Variants in RARRES1 observed in about 807,000 individuals in gnomAD.
The protein encoded by RARRES1 is retinoic acid receptor responder protein 1.
Under a neutral mutation model 30.6 loss-of-function variants are expected in RARRES1, and 34 were observed. That is an observed-to-expected ratio of 1.11 (90% confidence interval 0.84 to 1.48). The LOEUF (loss-of-function observed/expected upper bound fraction) is 1.48. RARRES1 is among the 40% of genes most tolerant of loss of function. The pLI is 0.00. For missense variants in RARRES1, 373 were observed against 386.5 expected (o/e 0.97, Z 0.29); for synonymous variants, 153 against 155.5 (o/e 0.98, Z 0.12).
intron 3 of RARRES1, among the ~76,000 whole-genome samples, chr3:158,710,180 C>T (rs1226714791): frequency 6.6e-6 from 1 of 152,044 alleles, no homozygotes; most frequent in Non-Finnish European, 1.5e-5. Flanking sequence ...TTACTGTGCC[C>T]CTCATTCTGG....
In RARRES1 at chr3:158,730,442, T is replaced by C. The variant is rs117627508; in HGVS notation, c.276+1698A>G. 8.0e-3 allele frequency among the ~76,000 whole-genome samples: 1,117 copies of C among 138,812 alleles called. 35 individuals are homozygous for C. The highest frequency in any genetic ancestry group is 0.065 in the Admixed American group (901 of 13,858). The allele number at this position is 138,812 out of a possible 152,430, so 91.1% of individuals were successfully genotyped here. A position where few individuals can be genotyped will look rare whatever the true frequency, so the allele number is the denominator to read the frequency against. On this transcript the variant is annotated intron_variant, in intron 1 of 5. Transcript: ENST00000237696. ...TCTCTCTCTTTCTCTCTCTTTTTTT[T>C]CCCCATAGGGTCTCACTCTGTTGCC...
At chr3:158,708,773 T>G (rs1727012429) in intron 3 of RARRES1, among the ~76,000 whole-genome samples, 1 of 152,114 alleles carries the variant, frequency 6.6e-6, no homozygotes, top group Admixed American at 6.6e-5. Flanking sequence ...CAAGCGCGAT[T>G]CTTTTGCCTC....
chr3:158,716,067 G>A (rs1205849409), intron 1 of RARRES1, among the ~76,000 whole-genome samples: 1 of 152,214 alleles, frequency 6.6e-6, no homozygotes, highest in Non-Finnish European at 1.5e-5. Flanking sequence ...CTGTTGAGTA[G>A]GGGCTTCCTG....
chr3:158,719,379 G>A (rs530699887), intron 1 of RARRES1, among the ~76,000 whole-genome samples: 1 of 149,670 alleles, frequency 6.7e-6, no homozygotes, highest in East Asian at 2.0e-4. Flanking sequence ...TCAAGCGATT[G>A]TCCTGCCTCA....
chr3:158,702,160 C>T (rs1726756221), intron 4 of RARRES1, among the ~76,000 whole-genome samples: 1 of 152,166 alleles, frequency 6.6e-6, no homozygotes, highest in African/African-American at 2.4e-5. Flanking sequence ...ACCTCAGCCT[C>T]CCGAGTAGCT....
Position 158,710,806 on chromosome 3 carries a change from T to C in RARRES1, c.467A>G (p.Gln156Arg), listed in dbSNP as rs1727099570. ...TRLIEKKKRQQEDYLLYKQMK... is the reference protein window; with the variant it reads ...TRLIEKKKRQREDYLLYKQMK... ...TTGCTTGTAAAGCAGGTAATCCTCT[T>C]GTTGTCTTTTCTTTTTCTCGATGAG... Residue 156 changes from glutamine to arginine, a missense_variant, in exon 3 of 6, where the codon CAA becomes CGA. By Grantham distance (43) the Gln-to-Arg change is conservative (BLOSUM62 1). Transcript: ENST00000237696. 6.2e-7 allele frequency: 1 copy of C among 1,613,650 alleles called. No individual in the cohort carries two copies. Among genetic ancestry groups the C allele is most frequent in the Non-Finnish European group, 8.5e-7 (1 of 1,179,738 alleles).
In RARRES1 at chr3:158,732,318, G is replaced by T; in HGVS notation, c.98C>A (p.Pro33Gln). ...CCCGGACCCCGCGGGCGCCGCCACC[G>T]GGGCGAGCAACAGCAGCAGCGCGAG... is the stretch of plus-strand genomic sequence containing the variant. Reference protein sequence around the residue: ...PLLALLLLLAPVAAPAGSGDP... With the variant: ...PLLALLLLLAQVAAPAGSGDP... The change falls in exon 1 of 6, where the codon CCG becomes CAG. Residue 33 changes from proline to glutamine, a missense_variant. Transcript: ENST00000237696. 1 of 1,357,300 alleles carries T rather than the reference G, an allele frequency of 7.4e-7. No homozygotes were observed. The highest frequency in any genetic ancestry group is 9.4e-7 in the Non-Finnish European group (1 of 1,064,752). The allele number at this position is 1,357,300 out of a possible 1,614,324, so 84.1% of individuals were successfully genotyped here.
At chr3:158,703,777 A>G (rs1270291661) in intron 4 of RARRES1, among the ~76,000 whole-genome samples, 1 of 152,186 alleles carries the variant, frequency 6.6e-6, no homozygotes, top group Non-Finnish European at 1.5e-5. Flanking sequence ...GAAGTGTTCC[A>G]TGATCCAGTC....
chr3:158,709,097 T>C (rs1727027205), intron 3 of RARRES1, among the ~76,000 whole-genome samples: 1 of 152,206 alleles, frequency 6.6e-6, no homozygotes, highest in Non-Finnish European at 1.5e-5. Flanking sequence ...ACAGCAAAAC[T>C]TACAAGTTTT....
At position 158,732,377 on chromosome 3, in the gene RARRES1, G is replaced by T. The variant is rs763046434; in HGVS notation, c.39C>A (p.Ser13=). The change falls in exon 1 of 6, where the codon TCC becomes TCA. Residue 13 remains serine (S), a synonymous_variant. Coordinates refer to ENST00000237696, the MANE Select transcript of RARRES1 (RefSeq NM_206963.2). The stretch of plus-strand genomic sequence containing the variant: ...CGGTGGGGCGCGGGCCCCTGGGCCC[G>T]GACCAGGGAGCAGGCAGCCGTTGCC... ...PRRQRLPAPW[S]GPRGPRPTAP... 3 of 1,494,890 alleles carry T rather than the reference G, an allele frequency of 2.0e-6. No homozygotes were observed. In the Admixed American group the frequency reaches 6.4e-5, roughly 32 times the overall value. The allele number at this position is 1,494,890 out of a possible 1,614,324, so 92.6% of individuals were successfully genotyped here. A position where few individuals can be genotyped will look rare whatever the true frequency, so the allele number is the denominator to read the frequency against.
rs1205538941 is a variant in RARRES1, at chr3:158,732,186, G to A, written c.230C>T (p.Pro77Leu). The A allele has an allele frequency of 1.1e-5, 15 of 1,420,252 alleles. No homozygotes were observed. The highest frequency in any genetic ancestry group is 4.8e-4 in the Middle Eastern group (2 of 4,210). The allele number at this position is 1,420,252 out of a possible 1,614,324, so 88.0% of individuals were successfully genotyped here. A position where few individuals can be genotyped will look rare whatever the true frequency, so the allele number is the denominator to read the frequency against. The stretch of plus-strand genomic sequence containing the variant: ...CTCGGCCAGCACTCGTAGCGCGCTG[G>A]GCGAGCCGGACCGGAAGTTGAAGAA... Reference protein sequence around the residue: ...LHFFNFRSGSPSALRVLAEVQ... With the variant: ...LHFFNFRSGSLSALRVLAEVQ... The change falls in exon 1 of 6, where the codon CCC becomes CTC. Residue 77 changes from proline (P) to leucine (L), a missense_variant. Coordinates refer to ENST00000237696, the MANE Select transcript of RARRES1 (RefSeq NM_206963.2).
rs2108138444 is a variant in RARRES1 at position 158,710,630 on chromosome 3, T to G, written c.535+108A>C. On this transcript the variant is annotated intron_variant, in intron 3 of 5. Transcript: ENST00000237696. ...TTATGAGGGATACCACAATATTTAG[T>G]TGAATGAAAGTGCCACTTTAGGGAT... The G allele has an allele frequency of 4.8e-6, 5 of 1,049,892 alleles. No individual in the cohort carries two copies. The East Asian group carries it at 1.3e-4, about 26-fold the overall frequency. The allele number at this position is 1,049,892 out of a possible 1,614,324, so 65.0% of individuals were successfully genotyped here. A position where few individuals can be genotyped will look rare whatever the true frequency, so the allele number is the denominator to read the frequency against.
intron 3 of RARRES1, among the ~76,000 whole-genome samples, chr3:158,710,332 T>C (rs185497954): frequency 4.2e-4 from 64 of 151,776 alleles, no homozygotes; most frequent in African/African-American, 1.5e-3. Context: ...CCCAGCCTCC[T>C]GAGTAGCTGG....
chr3:158,718,161 G>A (rs1160188078), intron 1 of RARRES1, among the ~76,000 whole-genome samples: 5 of 151,962 alleles, frequency 3.3e-5, no homozygotes, highest in Non-Finnish European at 7.4e-5. Flanking sequence ...TGTATTTTTA[G>A]TAGAGATGGA....
rs1387588010 is a variant in RARRES1 at position 158,697,903 on chromosome 3, T to G, written c.735+5A>C. 6.4e-7 allele frequency: 1 copy of G among 1,558,860 alleles called. No homozygotes were observed. Among genetic ancestry groups the G allele is most frequent in the Non-Finnish European group, 8.8e-7 (1 of 1,131,084 alleles). ...AACAATTCTACATACAATGTTATGT[T>G]TTACCTGTGTTGATAATTCATGAAG... is the stretch of plus-strand genomic sequence containing the variant. On this transcript the variant is annotated splice_donor_5th_base_variant and intron_variant, in intron 5 of 5. Coordinates refer to ENST00000237696, the MANE Select transcript of RARRES1 (RefSeq NM_206963.2).
rs1366933376 is a variant in RARRES1, at chr3:158,710,950, G to T, written c.340-17C>A. On this transcript the variant is annotated splice_polypyrimidine_tract_variant and intron_variant, in intron 2 of 5. Coordinates refer to ENST00000237696, the MANE Select transcript of RARRES1 (RefSeq NM_206963.2). ...AAGTAAAGACTGTGGAGTTAAACAGGATACTTTATCACCTCCCACTCACCC... is the reference window on the plus strand; with the variant it reads ...AAGTAAAGACTGTGGAGTTAAACAGTATACTTTATCACCTCCCACTCACCC... 1 of 1,605,738 alleles carries T rather than the reference G, an allele frequency of 6.2e-7. No individual in the cohort carries two copies. Among genetic ancestry groups the T allele is most frequent in the African/African-American group, 1.3e-5 (1 of 74,594 alleles).
At chr3:158,726,389 G>A (rs1727682372) in intron 1 of RARRES1, among the ~76,000 whole-genome samples, 2 of 152,336 alleles carry the variant, frequency 1.3e-5, no homozygotes, top group East Asian at 1.9e-4. Flanking sequence ...GTGGCCTAGT[G>A]GACAGGGCTC....
chr3:158,720,905 C>T (rs918563748), intron 1 of RARRES1, among the ~76,000 whole-genome samples: 9 of 152,174 alleles, frequency 5.9e-5, no homozygotes, highest in African/African-American at 1.9e-4. Flanking sequence ...ACTCTGTTTA[C>T]ACTTAAGGTC....
chr3:158,728,901 C>T (rs1013396340), intron 1 of RARRES1, among the ~76,000 whole-genome samples: 2 of 152,098 alleles, frequency 1.3e-5, no homozygotes, highest in African/African-American at 4.8e-5. Flanking sequence ...CTGAAAGCTC[C>T]ATGTAGGTGT....
Sources: gnomAD v4.1 joint callset for allele counts (sites outside exome capture counted in the v4.1 genomes callset) on GRCh38, gnomAD v4.1.1 for gene constraint, MANE v1.5 for transcripts, NCBI Gene and HGNC (gene_info 2026-07-23, HGNC 2026-07-21) for gene names.